KAT6A: variants seen among roughly 807,000 people sequenced by gnomAD.
The protein encoded by KAT6A is histone acetyltransferase KAT6A.
KAT6A carries 9 observed loss-of-function variants against 198.4 expected under a neutral mutation model. The ratio of observed to expected loss-of-function variants is 0.05; its 90% CI spans 0.03 to 0.08. The LOEUF (loss-of-function observed/expected upper bound fraction) is 0.08, where lower values mean the gene tolerates loss of function less well. Ranked by LOEUF, KAT6A falls within the 10% of genes least tolerant of loss-of-function variation. The pLI is 1.00. For synonymous variants in KAT6A, 890 were observed against 883.0 expected (o/e 1.01, Z -0.14); for missense variants, 2,077 against 2,509.9 (o/e 0.83, Z 3.69).
intron 2 of KAT6A, among the ~76,000 whole-genome samples, chr8:42,033,506 G>A (rs1195069314): frequency 6.6e-6 from 1 of 152,162 alleles, no homozygotes; most frequent in African/African-American, 2.4e-5. Flanking sequence ...GTTACTATGT[G>A]CATACAATGT....
intron 2 of KAT6A, among the ~76,000 whole-genome samples, chr8:42,044,665 G>A (rs1190590290): frequency 6.6e-6 from 1 of 152,144 alleles, no homozygotes; most frequent in Non-Finnish European, 1.5e-5. Context: ...ACTCCACGCA[G>A]TCTTTGAATT....
At chr8:41,967,230 G>A (rs1288338112) in intron 8 of KAT6A, among the ~76,000 whole-genome samples, 1 of 150,694 alleles carries the variant, frequency 6.6e-6, no homozygotes, top group Non-Finnish European at 1.5e-5. Flanking sequence ...TGCTCCACTG[G>A]AATGAACTGA....
At chr8:41,945,781 T>G (rs1384630782) in intron 12 of KAT6A, among the ~76,000 whole-genome samples, 1 of 151,982 alleles carries the variant, frequency 6.6e-6, no homozygotes, top group Non-Finnish European at 1.5e-5. Flanking sequence ...GTAATCCCAG[T>G]ACTTTGGGAG....
chr8:41,992,974 T>C (rs1184724195), intron 2 of KAT6A, among the ~76,000 whole-genome samples: 1 of 151,954 alleles, frequency 6.6e-6, no homozygotes, highest in East Asian at 1.9e-4. Context: ...GTCTTTATCA[T>C]CCAGAACAAG....
chr8:41,975,860 T>C (rs920654804), intron 7 of KAT6A, among the ~76,000 whole-genome samples: 1 of 152,202 alleles, frequency 6.6e-6, no homozygotes, highest in Non-Finnish European at 1.5e-5. Flanking sequence ...ATAAACCGTC[T>C]CCAGTACAAA....
chr8:41,987,613 T>C, intron 2 of KAT6A, 50 bp from the exon 3 acceptor site: 1 of 1,065,206 alleles, frequency 9.4e-7, no homozygotes, highest in South Asian at 1.3e-5. Context: ...TTATTTAGTA[T>C]TACTACAAAG....
rs1248550842 is a variant in KAT6A, at chr8:41,937,431, T to C, written c.3177A>G (p.Pro1059=). The change falls in exon 16 of 17, where the codon CCA becomes CCG. Residue 1059 remains proline (P), a synonymous_variant. Coordinates refer to ENST00000265713, the MANE Select transcript of KAT6A (RefSeq NM_006766.5). ...CGATCTCAAACGTGGGTTCTAATCT[T>C]GGCATTGGCCTCTCGGAGTCAGAAT... ...FEDSDSERPM[P]RLEPTFEIDE... The C allele has an allele frequency of 1.3e-5, 21 of 1,614,104 alleles. No individual in the cohort carries two copies. Among genetic ancestry groups the C allele is most frequent in the Middle Eastern group, 1.6e-4 (1 of 6,084 alleles).
rs570988959 is a variant in KAT6A, at chr8:41,978,675, C to A, written c.1010G>T (p.Arg337Leu). ...TTGTTTCTTTAACCTGTTTTTTGGACGTCCTATTGGATTAGTATAGCGCCG... is the reference window on the plus strand; with the variant it reads ...TTGTTTCTTTAACCTGTTTTTTGGAAGTCCTATTGGATTAGTATAGCGCCG... ...IKRRYTNPIG[R>L]PKNRLKKQNT... Residue 337 changes from arginine (R) to leucine (L), a missense_variant, in exon 6 of 17, where the codon CGT (arginine) becomes CTT (leucine). By Grantham distance (102) the Arg-to-Leu change is moderately radical (BLOSUM62 -2). Transcript: ENST00000265713. 5.6e-6 allele frequency: 9 copies of A among 1,613,826 alleles called. No individual in the cohort carries two copies. The highest frequency in any genetic ancestry group is 7.6e-6 in the Non-Finnish European group (9 of 1,179,898).
intron 7 of KAT6A, among the ~76,000 whole-genome samples, chr8:41,975,683 C>G (rs1824016759): frequency 6.6e-6 from 1 of 152,158 alleles, no homozygotes; most frequent in Non-Finnish European, 1.5e-5. Flanking sequence ...ATGCACCTCT[C>G]TAATACAGCA....
At position 41,934,704 on chromosome 8, in the gene KAT6A, T is replaced by A. The variant is rs367932765; in HGVS notation, c.3516A>T (p.Gly1172=). ...GCATGATTTCCCGACTCAACTTAAATCCTGGTTTTCGACCAGGTCTTTTCT... is the reference window on the plus strand; with the variant it reads ...GCATGATTTCCCGACTCAACTTAAAACCTGGTTTTCGACCAGGTCTTTTCT... ...HWKKRPGRKP[G]FKLSREIMPV... Residue 1172 remains glycine, a synonymous_variant, in exon 17 of 17, where the codon GGA becomes GGT. Coordinates refer to ENST00000265713, the MANE Select transcript of KAT6A (RefSeq NM_006766.5). 1 of 1,614,096 alleles carries A rather than the reference T, an allele frequency of 6.2e-7. No individual in the cohort carries two copies. The highest frequency in any genetic ancestry group is 1.3e-5 in the African/African-American group (1 of 74,932).
intron 8 of KAT6A, among the ~76,000 whole-genome samples, chr8:41,958,726 A>G (rs1221788039): frequency 1.3e-5 from 2 of 152,238 alleles, no homozygotes; most frequent in Non-Finnish European, 2.9e-5. Flanking sequence ...CCATAATCAG[A>G]CACACTAAAA....
At chr8:41,963,747 G>A (rs1283263821) in intron 8 of KAT6A, among the ~76,000 whole-genome samples, 1 of 151,686 alleles carries the variant, frequency 6.6e-6, no homozygotes, top group East Asian at 1.9e-4. Context: ...GAGCTATTTA[G>A]CTACTACTTA....
intron 16 of KAT6A, among the ~76,000 whole-genome samples, chr8:41,936,850 G>A (rs1012748790): frequency 1.3e-5 from 2 of 152,090 alleles, no homozygotes; most frequent in African/African-American, 2.4e-5. Context: ...CTTACTGAGC[G>A]CCGGGCTTAA....
chr8:42,009,502 C>T (rs1401315303), intron 2 of KAT6A, among the ~76,000 whole-genome samples: 1 of 151,582 alleles, frequency 6.6e-6, no homozygotes, highest in Non-Finnish European at 1.5e-5. Context: ...GAAAAGGTGA[C>T]ATGTGACCCT....
At position 41,932,612 on chromosome 8, in the gene KAT6A, G is replaced by A. The variant is rs1263744472; in HGVS notation, c.5608C>T (p.His1870Tyr). 1.9e-6 allele frequency: 3 copies of A among 1,613,924 alleles called. No homozygotes were observed. Among genetic ancestry groups the A allele is most frequent in the Admixed American group, 1.7e-5 (1 of 60,006 alleles). Residue 1870 changes from histidine to tyrosine, a missense_variant, in exon 17 of 17, where the codon CAC becomes TAC. By Grantham distance (83) the His-to-Tyr change is moderately conservative. Coordinates refer to ENST00000265713, the MANE Select transcript of KAT6A (RefSeq NM_006766.5). ...CTACGGCCATACAGCTGCTGCTGGT[G>A]AGCAGCCGCAGAGGGCAGTGGCGCA... ...KSAPLPSAAAHQQQLYGRSPS... is the reference protein window; with the variant it reads ...KSAPLPSAAAYQQQLYGRSPS...
At chr8:41,967,672 G>A (rs917631225) in intron 8 of KAT6A, among the ~76,000 whole-genome samples, 7 of 151,938 alleles carry the variant, frequency 4.6e-5, no homozygotes, top group South Asian at 2.1e-4. Context: ...TATATGTGCC[G>A]CATTTTCTTA....
At chr8:41,938,954 GAAAAA>G (rs894664976) in intron 15 of KAT6A, among the ~76,000 whole-genome samples, 18 of 75,746 alleles carry the variant, frequency 2.4e-4, no homozygotes, top group Middle Eastern at 6.7e-3. Context: ...TCTGGGGAAG[GAAAAA>G]AAAAAAAAAA....
chr8:41,944,098 C>CAAAA, intron 12 of KAT6A, 119 bp from the exon 13 acceptor site: 1 of 448,822 alleles, frequency 2.2e-6, no homozygotes, highest in Non-Finnish European at 3.8e-6. Flanking sequence ...AAATTCCTTC[C>CAAAA]AAAAAAAAAA....
At chr8:41,991,872 G>A (rs1004572546) in intron 2 of KAT6A, among the ~76,000 whole-genome samples, 1 of 151,902 alleles carries the variant, frequency 6.6e-6, no homozygotes, top group African/African-American at 2.4e-5. Flanking sequence ...ACATTCAGGA[G>A]CACCTGAGAA....
Sources: gnomAD v4.1 joint callset for allele counts (sites outside exome capture counted in the v4.1 genomes callset) on GRCh38, gnomAD v4.1.1 for gene constraint, MANE v1.5 for transcripts, NCBI Gene and HGNC (gene_info 2026-07-23, HGNC 2026-07-21) for gene names.